ACCS: variants seen among roughly 807,000 people sequenced by gnomAD.
The protein encoded by ACCS is 1-aminocyclopropane-1-carboxylate synthase homolog (inactive), also known as 1-aminocyclopropane-1-carboxylate synthase-like protein 1.
Under a neutral mutation model 59.8 loss-of-function variants are expected in ACCS, and 42 were observed. The observed-to-expected ratio is 0.70, with a 90% CI of 0.55 to 0.91. The LOEUF (loss-of-function observed/expected upper bound fraction) is 0.91. Among genes scored for constraint, ACCS ranks in the 40% least tolerant of loss-of-function variants. The pLI is 0.00. For missense variants in ACCS, 602 were observed against 630.4 expected (o/e 0.95, Z 0.48); for synonymous variants, 230 against 240.3 (o/e 0.96, Z 0.40).
chr11:44,067,431 C>A, intron 1 of ACCS, 197 bp from the exon 2 acceptor site: 1 of 586,548 alleles, frequency 1.7e-6, no homozygotes, highest in Non-Finnish European at 3.0e-6. Context: ...CTGGCACGTA[C>A]TAGGTCCTTA....
intron 1 of ACCS, 72 bp from the exon 2 acceptor site, chr11:44,067,556 C>T: frequency 2.7e-6 from 4 of 1,483,904 alleles, no homozygotes; most frequent in Non-Finnish European, 2.7e-6. Flanking sequence ...ACTCCCATGA[C>T]TCCAACTCCT....
chr11:44,067,889 G>A lies in ACCS; in HGVS notation c.262G>A (p.Glu88Lys), dbSNP rs955555448. 2 of 1,609,888 alleles carry A rather than the reference G, an allele frequency of 1.2e-6. No homozygotes were observed. Among genetic ancestry groups the A allele is most frequent in the African/African-American group, 1.3e-5 (1 of 74,770 alleles). ...GGGCTACAGGACCTACCACATGGAT[G>A]AGTATGATGAGGACAAGAACCCCAG... ...EEGYRTYHMDEYDEDKNPSGI... is the reference protein window; with the variant it reads ...EEGYRTYHMDKYDEDKNPSGI... Residue 88 changes from glutamate (E) to lysine (K), a missense_variant, in exon 2 of 15, where the codon GAG (glutamate) becomes AAG (lysine). Glu to Lys is a moderately conservative substitution (Grantham distance 56). Transcript: ENST00000263776.
chr11:44,071,231 C>T, intron 2 of ACCS, 25 bp from the exon 3 acceptor site: 1 of 1,613,958 alleles, frequency 6.2e-7, no homozygotes, highest in Non-Finnish European at 8.5e-7. Context: ...CATGCTAACT[C>T]TGCCTCTGTA....
At chr11:44,072,041 G>A (rs536856442) in intron 3 of ACCS, among the ~76,000 whole-genome samples, 20 of 152,328 alleles carry the variant, frequency 1.3e-4, no homozygotes, top group Admixed American at 2.0e-4. Context: ...TCCCAAGGCG[G>A]CAGTGGCAGA....
Position 44,083,807 on chromosome 11 carries a change from C to T in ACCS, c.*15C>T, listed in dbSNP as rs367860791. ...AACGCAGGTGAGCTGGTCATTGTCT[C>T]GTGGCCAGAGGGCCCAGCAGCCACT... On this transcript the variant is annotated 3_prime_UTR_variant, in exon 15 of 15. Transcript: ENST00000263776. 49 of 1,586,070 alleles carry T rather than the reference C, an allele frequency of 3.1e-5. No individual in the cohort carries two copies. Among genetic ancestry groups the T allele is most frequent in the African/African-American group, 1.2e-4 (9 of 74,316 alleles).
At position 44,075,803 on chromosome 11, in the gene ACCS, C is replaced by G; in HGVS notation, c.556+211C>G. On this transcript the variant is annotated intron_variant, in intron 6 of 14. Transcript: ENST00000263776. ...TTGATGTCAGGGTCCTGGGCTTTCT[C>G]TCTGCCATGACCTTGGCTGCTTCAT... is the stretch of plus-strand genomic sequence containing the variant. 4 of 554,738 alleles carry G rather than the reference C, an allele frequency of 7.2e-6. No homozygotes were observed. The South Asian group carries it at 1.1e-4, about 15-fold the overall frequency. 34.4% of individuals were successfully genotyped at this position (554,738 alleles called of 1,614,324 possible).
At chr11:44,073,408 T>C (rs755764589) in intron 3 of ACCS, 39 bp from the exon 4 acceptor site, 1 of 1,554,102 alleles carries the variant, frequency 6.4e-7, no homozygotes, top group Non-Finnish European at 8.8e-7. Context: ...CTGGTAGCAG[T>C]GCTGGCCCTC....
chr11:44,079,477 G>A, intron 9 of ACCS, 54 bp from the exon 10 acceptor site: 1 of 1,471,832 alleles, frequency 6.8e-7, no homozygotes. Flanking sequence ...CACCCTGTGG[G>A]ACGCATCTGC....
chr11:44,075,563 C>A lies in ACCS; in HGVS notation c.527C>A (p.Ala176Asp), dbSNP rs1161746564. 3 of 1,614,196 alleles carry A rather than the reference C, an allele frequency of 1.9e-6. No homozygotes were observed. The highest frequency in any genetic ancestry group is 2.5e-6 in the Non-Finnish European group (3 of 1,180,046). Residue 176 changes from alanine (A) to aspartate (D), a missense_variant, in exon 6 of 15, where the codon GCT becomes GAT. Transcript: ENST00000263776. ...AATGGTGGTGCCTCGCTCTTCTCTG[C>A]TCTGGCCACGGTGCTGTGTGAGGCC... ...VLNGGASLFS[A>D]LATVLCEAGE...
At chr11:44,068,795 C>T (rs1300470823) in intron 2 of ACCS, among the ~76,000 whole-genome samples, 1 of 152,214 alleles carries the variant, frequency 6.6e-6, no homozygotes, top group Non-Finnish European at 1.5e-5. Flanking sequence ...AGTCAGAAAG[C>T]TGTTACAAAT....
chr11:44,074,767 TCTTTCTTTTTC>T, intron 5 of ACCS, 86 bp downstream of exon 5: 1 of 442,014 alleles, frequency 2.3e-6, no homozygotes, highest in Admixed American at 5.7e-5. Flanking sequence ...TTTCTTTCTT[TCTTTCTTTTTC>T]TCTCTCTCTC....
chr11:44,081,366 G>A, intron 12 of ACCS, 46 bp downstream of exon 12: 2 of 1,604,820 alleles, frequency 1.2e-6, no homozygotes, highest in African/African-American at 2.7e-5. Context: ...GAGGGTTGGA[G>A]GCAGCCTGGG....
chr11:44,071,601 T>C (rs781220414), intron 3 of ACCS: 5 of 341,500 alleles, frequency 1.5e-5, no homozygotes, highest in Non-Finnish European at 2.7e-5. Context: ...CTTTGTGGTG[T>C]AGGTATTTAG....
In ACCS at chr11:44,074,650, G is replaced by C. The variant is rs1953219244; in HGVS notation, c.458G>C (p.Cys153Ser). Residue 153 changes from cysteine to serine, a missense_variant, in exon 5 of 15, where the codon TGC becomes TCC. Cys to Ser is a moderately radical substitution (Grantham distance 112). Transcript: ENST00000263776. ...EEVAKFLSFYCKSPVPLRPEN... is the reference protein window; with the variant it reads ...EEVAKFLSFYSKSPVPLRPEN... ...GTGGCCAAGTTCCTGTCTTTCTACTGCAAGAGCCCAGTACCCCTCAGACCA... is the reference window on the plus strand; with the variant it reads ...GTGGCCAAGTTCCTGTCTTTCTACTCCAAGAGCCCAGTACCCCTCAGACCA... The C allele has an allele frequency of 6.2e-7, 1 of 1,613,338 alleles. No homozygotes were observed.
chr11:44,082,468 G>T (rs1953683568), intron 12 of ACCS, among the ~76,000 whole-genome samples: 1 of 152,194 alleles, frequency 6.6e-6, no homozygotes, highest in Middle Eastern at 3.2e-3. Flanking sequence ...GTGGCAGTAT[G>T]GGATAATTTC....
At position 44,073,503 on chromosome 11, in the gene ACCS, G is replaced by A. The variant is rs1333680144; in HGVS notation, c.405G>A (p.Trp135Ter). 1 of 1,608,718 alleles carries A rather than the reference G, an allele frequency of 6.2e-7. No individual in the cohort carries two copies. The highest frequency in any genetic ancestry group is 8.5e-7 in the Non-Finnish European group (1 of 1,177,614). Residue 135 changes from tryptophan (W) to a stop codon, truncating the protein, a stop_gained, in exon 4 of 15, where the codon TGG becomes TGA. Coordinates refer to ENST00000263776, the MANE Select transcript of ACCS (RefSeq NM_032592.4). LOFTEE classifies it high-confidence loss of function. Reference sequence around the variant, plus strand: ...CATCCCTGCTGCAGTATGCTGACTGGAGGGGACATCTGTTGTAAGTAGTTG... The same window carrying A: ...CATCCCTGCTGCAGTATGCTGACTGAAGGGGACATCTGTTGTAAGTAGTTG... ...VEPSLLQYADWRGHLFLREEV... is the reference protein window; with the variant it reads ...VEPSLLQYAD
chr11:44,082,523 A>G (rs963177958), intron 12 of ACCS, among the ~76,000 whole-genome samples: 2 of 152,208 alleles, frequency 1.3e-5, no homozygotes, highest in Non-Finnish European at 2.9e-5. Flanking sequence ...AAAAGATTAC[A>G]TGCTGTATAA....
chr11:44,074,292 A>C (rs182900811), intron 4 of ACCS, among the ~76,000 whole-genome samples: 70 of 152,342 alleles, frequency 4.6e-4, no homozygotes, highest in African/African-American at 1.7e-3. Context: ...AAAAAATATG[A>C]GCAACAATAA....
At position 44,067,904 on chromosome 11, in the gene ACCS, A is replaced by G. The variant is rs1952866531; in HGVS notation, c.277A>G (p.Lys93Glu). 20 of 1,604,012 alleles carry G rather than the reference A, an allele frequency of 1.2e-5. No homozygotes were observed. The highest frequency in any genetic ancestry group is 1.6e-5 in the Non-Finnish European group (19 of 1,175,006). Residue 93 changes from lysine (K) to glutamate (E), a missense_variant, in exon 2 of 15, where the codon AAG becomes GAG. By Grantham distance (56) the Lys-to-Glu change is moderately conservative. Coordinates refer to ENST00000263776, the MANE Select transcript of ACCS (RefSeq NM_032592.4). ...CCACATGGATGAGTATGATGAGGAC[A>G]AGAACCCCAGTGTGAGTGAAGCTCC... is the stretch of plus-strand genomic sequence containing the variant. The part of the protein sequence containing the change: ...TYHMDEYDED[K>E]NPSGIINLGT...
Sources: allele counts gnomAD v4.1 joint callset (sites outside exome capture counted in the v4.1 genomes callset), GRCh38; gene constraint gnomAD v4.1.1; transcripts MANE v1.5; gene names NCBI Gene and HGNC (gene_info 2026-07-23, HGNC 2026-07-21).